The following FAIM2 variants were observed in gnomAD, a reference collection of about 807,000 sequenced individuals.
The protein encoded by FAIM2 is protein lifeguard 2.
FAIM2 carries 27 observed loss-of-function variants against 47.4 expected under a neutral mutation model. The observed-to-expected ratio is 0.57, with a 90% confidence interval of 0.42 to 0.78. The LOEUF is 0.78. Among genes scored for constraint, FAIM2 ranks in the 30% least tolerant of loss-of-function variants. The pLI is 0.00. For missense variants in FAIM2, 311 were observed against 389.4 expected, an observed-to-expected ratio of 0.80 and a Z score of 1.69; for synonymous variants, 156 against 159.3, an observed-to-expected ratio of 0.98 and a Z score of 0.16.
intron 11 of FAIM2, among the ~76,000 whole-genome samples, chr12:49,879,328 G>A (rs62648570): frequency 0.22 from 19,238 of 89,210 alleles, 1,618 homozygotes; most frequent in African/African-American, 0.33. Context: ...ATATGTGCGT[G>A]TGTATGTGTT....
rs375275250 is a variant in FAIM2 at position 49,889,511 on chromosome 12, G to C, written c.621C>G (p.Leu207=). 2.6e-5 allele frequency: 42 copies of C among 1,613,982 alleles called. No individual in the cohort carries two copies. Among genetic ancestry groups the C allele is most frequent in the Non-Finnish European group, 3.4e-5 (40 of 1,180,012 alleles). Residue 207 remains leucine, a synonymous_variant, in exon 9 of 12, where the codon CTC becomes CTG. Coordinates refer to ENST00000320634, the MANE Select transcript of FAIM2 (RefSeq NM_012306.4). ...TCTGGAAGCTGAAGACGGTGACTGA[G>C]AGGCAGACAAGGGCCGTGATGCCCA... ...LCLGITALVC[L]SVTVFSFQTK...
intron 11 of FAIM2, among the ~76,000 whole-genome samples, chr12:49,884,757 G>A (rs928996490): frequency 3.3e-5 from 5 of 152,304 alleles, no homozygotes; most frequent in African/African-American, 1.2e-4. Context: ...GGCGGATCAC[G>A]AGGTCAGGAG....
At chr12:49,880,092 GTGTGTATATGTGCGTC>G (rs1946798853) in intron 11 of FAIM2, among the ~76,000 whole-genome samples, 1 of 151,882 alleles carries the variant, frequency 6.6e-6, no homozygotes, top group African/African-American at 2.4e-5. Context: ...GTGTGTGCCT[GTGTGTATATGTGCGTC>G]TGTGTATGTG....
At chr12:49,880,571 T>TG (rs1480848860) in intron 11 of FAIM2, among the ~76,000 whole-genome samples, 2 of 11,368 alleles carry the variant, frequency 1.8e-4, no homozygotes, top group African/African-American at 1.5e-3. Flanking sequence ...CATGTGTGTA[T>TG]CTGTGCATGT....
Position 49,878,584 on chromosome 12 carries a change from A to G in FAIM2, c.802-7931T>C, listed in dbSNP as rs1332111803. 2.3e-4 allele frequency among the ~76,000 whole-genome samples: 16 copies of G among 69,480 alleles called. 1 individual carries two copies. Among genetic ancestry groups the G allele is most frequent in the African/African-American group, 1.4e-3 (13 of 9,382 alleles). 45.6% of individuals were successfully genotyped at this position (69,480 alleles called of 152,430 possible). ...AGTGTATATGTTCATGTGTATATGT[A>G]CATGTGTATGTGTATGTGTGCATGT... On this transcript the variant is annotated intron_variant, in intron 11 of 11. Transcript: ENST00000320634.
Position 49,879,095 on chromosome 12 carries a change from TGTGA to T in FAIM2, c.801+8287_801+8290del, listed in dbSNP as rs1274753016. Among the ~76,000 whole-genome samples, 2 of 137,492 alleles carry T rather than the reference TGTGA, an allele frequency of 1.5e-5. 1 individual carries two copies. Among genetic ancestry groups the T allele is most frequent in the East Asian group, 4.8e-4 (2 of 4,126 alleles). 90.2% of individuals were successfully genotyped at this position (137,492 alleles called of 152,430 possible). ...GTGCATGTGTATGTGTCTGTGTGCATGTGAGTGTATGTATGTGCATGTGTATATG... is the reference window on the plus strand; with the variant it reads ...GTGCATGTGTATGTGTCTGTGTGCATGTGTATGTATGTGCATGTGTATATG... On this transcript the variant is annotated intron_variant, in intron 11 of 11. Transcript: ENST00000320634.
At chr12:49,897,724 C>A in intron 3 of FAIM2, 141 bp from the exon 4 acceptor site, 1 of 677,098 alleles carries the variant, frequency 1.5e-6, no homozygotes, top group East Asian at 2.7e-5. Flanking sequence ...GAACCCAGGG[C>A]AAGGCGAAAG....
At chr12:49,892,255 C>A (rs1946905522) in intron 5 of FAIM2, among the ~76,000 whole-genome samples, 1 of 152,110 alleles carries the variant, frequency 6.6e-6, no homozygotes, top group Non-Finnish European at 1.5e-5. Context: ...ATCCTCCCAC[C>A]CCCTTAATTG....
intron 11 of FAIM2, among the ~76,000 whole-genome samples, chr12:49,880,172 G>GTGCA (rs1946801156): frequency 7.4e-6 from 1 of 134,658 alleles, no homozygotes; most frequent in African/African-American, 2.8e-5. Flanking sequence ...GTGTGTATGT[G>GTGCA]TGTGTATGCA....
chr12:49,879,016 ATGTG>A (rs1360627783), intron 11 of FAIM2, among the ~76,000 whole-genome samples: 3 of 127,040 alleles, frequency 2.4e-5, no homozygotes, highest in South Asian at 5.4e-4. Flanking sequence ...GCATGTGTGT[ATGTG>A]TATGTGTGTG....
At chr12:49,881,610 G>C (rs531627481) in intron 11 of FAIM2, among the ~76,000 whole-genome samples, 1 of 152,218 alleles carries the variant, frequency 6.6e-6, no homozygotes, top group South Asian at 2.1e-4. Context: ...CCCGACCCTC[G>C]TGCTTCCTGT....
chr12:49,884,288 A>G (rs1192115363), intron 11 of FAIM2, among the ~76,000 whole-genome samples: 4 of 151,298 alleles, frequency 2.6e-5, no homozygotes, highest in Non-Finnish European at 5.9e-5. Context: ...TTGTGAGGAG[A>G]GTAGGGAAGA....
At chr12:49,900,054 C>G (rs1052785069) in intron 2 of FAIM2, 1 of 398,030 alleles carries the variant, frequency 2.5e-6, no homozygotes, top group Admixed American at 3.3e-5. Context: ...ACATATTCTG[C>G]GAAAGCCCAG....
chr12:49,871,996 A>T (rs900784823), intron 11 of FAIM2, among the ~76,000 whole-genome samples: 1 of 152,130 alleles, frequency 6.6e-6, no homozygotes, highest in Admixed American at 6.6e-5. Context: ...ATTGATTCAC[A>T]TTCTTGTTAA....
At chr12:49,892,854 A>G (rs1946909716) in intron 5 of FAIM2, among the ~76,000 whole-genome samples, 1 of 152,210 alleles carries the variant, frequency 6.6e-6, no homozygotes, top group Non-Finnish European at 1.5e-5. Context: ...AACAGGTTAG[A>G]GGGGAGCTCC....
intron 1 of FAIM2, 75 bp from the exon 2 acceptor site, chr12:49,901,400 T>G: frequency 6.7e-6 from 8 of 1,185,550 alleles, no homozygotes; most frequent in East Asian, 2.7e-5. Flanking sequence ...TCACCAACTC[T>G]TCAATTCCTG....
Position 49,903,329 on chromosome 12 carries a change from T to G in FAIM2, c.15+449A>C, listed in dbSNP as rs186712350. Among the ~76,000 whole-genome samples, 225 of 151,750 alleles carry G rather than the reference T, an allele frequency of 1.5e-3. 6 individuals carry two copies. The highest frequency in any genetic ancestry group is 0.012 in the Admixed American group (176 of 15,264). On this transcript the variant is annotated intron_variant, in intron 1 of 11. Transcript: ENST00000320634. ...ACAATGGCAGGGAGTAGGGTGGGGG[T>G]TGTTTCCGTGGAGGGTGGGAAAGAT... is the stretch of plus-strand genomic sequence containing the variant.
intron 6 of FAIM2, 37 bp from the exon 7 acceptor site, chr12:49,890,759 G>T (rs1178386351): frequency 6.2e-7 from 1 of 1,603,796 alleles, no homozygotes; most frequent in Admixed American, 1.7e-5. Context: ...GGATCGTAGG[G>T]GGTGGGGGCA....
Position 49,868,771 on chromosome 12 carries a change from G to A in FAIM2, c.*1733C>T, listed in dbSNP as rs1339239395. On this transcript the variant is annotated 3_prime_UTR_variant, in exon 12 of 12. Coordinates refer to ENST00000320634, the MANE Select transcript of FAIM2 (RefSeq NM_012306.4). ...AGCGCTGTCTCTGGAGGATCACTGC[G>A]ATGGATTAATTTAGACCAGCACACA... is the stretch of plus-strand genomic sequence containing the variant. 6.6e-6 allele frequency: 1 copy of A among 152,234 alleles called. No individual in the cohort carries two copies. The highest frequency in any genetic ancestry group is 2.4e-5 in the African/African-American group (1 of 41,446). The allele number at this position is 152,234 out of a possible 1,614,324, so 9.4% of individuals were successfully genotyped here.
Sources: allele counts gnomAD v4.1 joint callset (sites outside exome capture counted in the v4.1 genomes callset), GRCh38; gene constraint gnomAD v4.1.1; transcripts MANE v1.5; gene names NCBI Gene and HGNC (gene_info 2026-07-23, HGNC 2026-07-21).